G3BP2: variants seen among roughly 807,000 people sequenced by gnomAD.
G3BP2 encodes G3BP stress granule assembly factor 2, also known as ras GTPase-activating protein-binding protein 2.
G3BP2 carries 11 observed loss-of-function variants against 56.7 expected under a neutral mutation model. That is an observed-to-expected ratio of 0.19 (90% confidence interval 0.12 to 0.32). The LOEUF (loss-of-function observed/expected upper bound fraction) is 0.32, where lower values mean the gene tolerates loss of function less well. Ranked by LOEUF, G3BP2 falls within the 10% of genes least tolerant of loss-of-function variation. The pLI is 1.00. For synonymous variants in G3BP2, 165 were observed against 191.6 expected, an observed-to-expected ratio of 0.86 and a Z score of 1.15; for missense variants, 340 against 610.9, an observed-to-expected ratio of 0.56 and a Z score of 4.67.
intron 3 of G3BP2, among the ~76,000 whole-genome samples, chr4:75,705,220 C>T (rs987871670): frequency 6.6e-6 from 1 of 152,196 alleles, no homozygotes; most frequent in African/African-American, 2.4e-5. Context: ...AACTGCCTGA[C>T]CTCCCAGCAT....
chr4:75,704,310 G>A (rs370901141), intron 3 of G3BP2, among the ~76,000 whole-genome samples: 10 of 151,708 alleles, frequency 6.6e-5, no homozygotes, highest in African/African-American at 1.2e-4. Flanking sequence ...AGCCCCCGCC[G>A]GACCTGTTTG....
intron 11 of G3BP2, 98 bp from the exon 12 acceptor site, chr4:75,645,800 A>C: frequency 1.8e-6 from 2 of 1,117,106 alleles, no homozygotes; most frequent in African/African-American, 1.6e-5. Context: ...AAGGAATAAA[A>C]CACTTTTATC....
Position 75,645,180 on chromosome 4 carries a change from T to C in G3BP2, c.*250A>G, listed in dbSNP as rs185787288. ...CCTTTTAAGTTCACTTTGTCGTAGATAGTTTAAGATATGGTCATTTCTCAG... is the reference window on the plus strand; with the variant it reads ...CCTTTTAAGTTCACTTTGTCGTAGACAGTTTAAGATATGGTCATTTCTCAG... On this transcript the variant is annotated 3_prime_UTR_variant, in exon 12 of 12. Transcript: ENST00000359707. 1.9e-3 allele frequency: 955 copies of C among 500,320 alleles called. 1 individual carries two copies. Among genetic ancestry groups the C allele is most frequent in the Admixed American group, 5.1e-3 (134 of 26,278 alleles). The allele number at this position is 500,320 out of a possible 1,614,324, so 31.0% of individuals were successfully genotyped here. A position where few individuals can be genotyped will look rare whatever the true frequency, so the allele number is the denominator to read the frequency against.
At chr4:75,665,116 C>T (rs1405904323) in intron 1 of G3BP2, among the ~76,000 whole-genome samples, 1 of 152,176 alleles carries the variant, frequency 6.6e-6, no homozygotes, top group African/African-American at 2.4e-5. Flanking sequence ...AAATCAAATA[C>T]CAACTATAGT....
In G3BP2 at chr4:75,648,679, A is replaced by AG. The variant is rs1470991186; in HGVS notation, c.887dup (p.Arg297Ter). 1 of 1,611,240 alleles carries AG rather than the reference A, an allele frequency of 6.2e-7. No homozygotes were observed. The highest frequency in any genetic ancestry group is 8.5e-7 in the Non-Finnish European group (1 of 1,177,692). ...TAGGAGGAAAACCAGGTCGTTCTCT[A>AG]GGTCGTTGTTCACGCACACGAGGTG... is the stretch of plus-strand genomic sequence containing the variant. On this transcript the variant is annotated frameshift_variant, in exon 9 of 12. Transcript: ENST00000359707. LOFTEE classifies it high-confidence loss of function.
At position 75,720,181 on chromosome 4, in the gene G3BP2, TGGACTCTCCTCTCCCAAG is replaced by T. The variant is rs1369772378; in HGVS notation, c.-25+678_-25+695del. On this transcript the variant is annotated intron_variant, in intron 3 of 3. Coordinates refer to the G3BP2 transcript ENST00000499709. ...GCCCAGCTACCAAAACCTTCTTTCTTGGACTCTCCTCTCCCAAGGATTTCCTAAGGCTTTTAAAAATAT... is the reference window on the plus strand; with the variant it reads ...GCCCAGCTACCAAAACCTTCTTTCTTGATTTCCTAAGGCTTTTAAAAATAT... 2.0e-5 allele frequency among the ~76,000 whole-genome samples: 3 copies of T among 152,012 alleles called. No individual in the cohort carries two copies. In the East Asian group the frequency reaches 5.8e-4, roughly 30 times the overall value.
intron 8 of G3BP2, among the ~76,000 whole-genome samples, chr4:75,652,101 C>G (rs1731739181): frequency 6.6e-6 from 1 of 152,088 alleles, no homozygotes; most frequent in African/African-American, 2.4e-5. Flanking sequence ...AGTTTAAATT[C>G]TAAACATTTA....
At position 75,645,114 on chromosome 4, in the gene G3BP2, ATTTT is replaced by A; in HGVS notation, c.*312_*315del. 3.6e-6 allele frequency: 1 copy of A among 277,808 alleles called. No individual in the cohort carries two copies. The allele number at this position is 277,808 out of a possible 1,614,324, so 17.2% of individuals were successfully genotyped here. ...ACTTAAACAAAATGTGCAGCAGAAG[ATTTT>A]TTTTTTACTCAAAGGACCTGAATTC... On this transcript the variant is annotated 3_prime_UTR_variant, in exon 12 of 12. Transcript: ENST00000359707.
intron 3 of G3BP2, among the ~76,000 whole-genome samples, chr4:75,688,791 A>G (rs1032176779): frequency 6.6e-6 from 1 of 152,236 alleles, no homozygotes; most frequent in African/African-American, 2.4e-5. Flanking sequence ...AGCTCGTTTG[A>G]GAATGGTAAG....
intron 4 of G3BP2, among the ~76,000 whole-genome samples, chr4:75,657,329 G>A (rs918471748): frequency 1.3e-5 from 2 of 152,066 alleles, no homozygotes; most frequent in African/African-American, 2.4e-5. Context: ...TATATTTTTT[G>A]TATTAATGTA....
intron 1 of G3BP2, chr4:75,672,476 T>A (rs1388492788): frequency 6.6e-6 from 1 of 152,120 alleles, no homozygotes; most frequent in African/African-American, 2.4e-5. Context: ...ATCGTCTGCA[T>A]AAGAGGGGGA....
intron 1 of G3BP2, chr4:75,672,979 G>C: frequency 1.0e-6 from 1 of 985,636 alleles, no homozygotes; most frequent in Non-Finnish European, 1.2e-6. Flanking sequence ...CAAGACGCTC[G>C]CGGGTCACCT....
intron 3 of G3BP2, among the ~76,000 whole-genome samples, chr4:75,710,035 A>ACC (rs1431322056): frequency 2.0e-5 from 3 of 152,290 alleles, no homozygotes; most frequent in African/African-American, 7.2e-5. Context: ...TGAACATATG[A>ACC]CCACATACTA....
chr4:75,714,160 A>G (rs1279074353), intron 3 of G3BP2, among the ~76,000 whole-genome samples: 2 of 152,254 alleles, frequency 1.3e-5, no homozygotes, highest in African/African-American at 4.8e-5. Flanking sequence ...AGGCCTGTAG[A>G]TTAATTAGAT....
chr4:75,660,218 G>C (rs1196024215), intron 2 of G3BP2, among the ~76,000 whole-genome samples: 4 of 152,060 alleles, frequency 2.6e-5, no homozygotes, highest in Non-Finnish European at 5.9e-5. Flanking sequence ...ATCATGAAAA[G>C]ACCAAATTTC....
At chr4:75,708,200 TGAG>T (rs1250530853) in intron 3 of G3BP2, among the ~76,000 whole-genome samples, 2 of 152,150 alleles carry the variant, frequency 1.3e-5, no homozygotes, top group Non-Finnish European at 2.9e-5. Flanking sequence ...GGCCTAGTCT[TGAG>T]GAATCTAGGT....
intron 1 of G3BP2, among the ~76,000 whole-genome samples, chr4:75,669,483 C>T (rs1733312112): frequency 6.6e-6 from 1 of 152,146 alleles, no homozygotes; most frequent in African/African-American, 2.4e-5. Context: ...CCCTGTATCA[C>T]GTGTAGTATA....
chr4:75,680,228 ATTAAG>A (rs1255150741), intron 3 of G3BP2, among the ~76,000 whole-genome samples: 5 of 152,172 alleles, frequency 3.3e-5, no homozygotes, highest in African/African-American at 9.7e-5. Context: ...TCTCTTATAG[ATTAAG>A]TTAATATAAA....
intron 3 of G3BP2, among the ~76,000 whole-genome samples, chr4:75,678,557 G>C (rs573737083): frequency 2.0e-5 from 3 of 152,338 alleles, no homozygotes; most frequent in Admixed American, 1.3e-4. Flanking sequence ...GGGTATGCTT[G>C]TTGTCCCCAC....
Sources: allele counts gnomAD v4.1 joint callset (sites outside exome capture counted in the v4.1 genomes callset), GRCh38; gene constraint gnomAD v4.1.1; transcripts MANE v1.5; gene names NCBI Gene and HGNC (gene_info 2026-07-23, HGNC 2026-07-21).